MSR1: variants seen among roughly 807,000 people sequenced by gnomAD.
MSR1 encodes the protein macrophage scavenger receptor types I and II.
Under a neutral mutation model 47.2 loss-of-function variants are expected in MSR1, and 53 were observed. The ratio of observed to expected loss-of-function variants is 1.12; its 90% CI spans 0.90 to 1.41. MSR1 has a LOEUF of 1.41. Ranked by LOEUF, MSR1 falls within the 40% of genes most tolerant of loss-of-function variation. The pLI, the probability that MSR1 is intolerant of heterozygous loss-of-function variation, is 0.00. For missense variants in MSR1, 786 were observed against 546.9 expected (o/e 1.44, Z -4.36); for synonymous variants, 239 against 185.6 (o/e 1.29, Z -2.34).
rs967203676 is a variant in MSR1, at chr8:16,140,824, A to C, written c.1033+2734T>G. 63 of 1,543,264 alleles carry C rather than the reference A, an allele frequency of 4.1e-5. No homozygotes were observed. The Middle Eastern group carries it at 1.1e-3, about 26-fold the overall frequency. ...TATGAGCATGGGAGCAGAGGCCCAAACAGCACCAGGGACCAGGAGAGAAGG... is the reference window on the plus strand; with the variant it reads ...TATGAGCATGGGAGCAGAGGCCCAACCAGCACCAGGGACCAGGAGAGAAGG... On this transcript the variant is annotated intron_variant, in intron 8 of 9. Transcript: ENST00000262101.
chr8:16,184,972 CCT>C (rs35014500), intron 1 of MSR1, among the ~76,000 whole-genome samples: 20,543 of 151,876 alleles, frequency 0.14, 1,786 homozygotes, highest in African/African-American at 0.23. Flanking sequence ...ATAAAATACC[CCT>C]GACAGGTGTA....
At chr8:16,179,961 G>A (rs1563169709) in intron 1 of MSR1, among the ~76,000 whole-genome samples, 1 of 150,586 alleles carries the variant, frequency 6.6e-6, no homozygotes, top group African/African-American at 2.4e-5. Context: ...CTGTTTCCCA[G>A]GCTGGAGTGC....
rs1431935621 is a variant in MSR1 at position 16,156,154 on chromosome 8, CAGAA to C, written c.818-1014_818-1011del. Among the ~76,000 whole-genome samples the C allele has an allele frequency of 2.6e-5, 4 of 151,662 alleles. No individual in the cohort carries two copies. In the South Asian group the frequency reaches 6.2e-4, roughly 24 times the overall value. ...CCTTTTCAACACCAGAAGAAAGAAA[CAGAA>C]AGAAACATTATTCCATAGATTCACC... On this transcript the variant is annotated intron_variant, in intron 5 of 9. Coordinates refer to ENST00000262101, the MANE Select transcript of MSR1 (RefSeq NM_138715.3).
chr8:16,186,113 A>C (rs1398026537), intron 1 of MSR1: 12 of 1,468,676 alleles, frequency 8.2e-6, no homozygotes, highest in Non-Finnish European at 1.1e-5. Context: ...TAAATGTATA[A>C]AAATGAAAGT....
At chr8:16,122,675 T>C (rs1800030796) in intron 8 of MSR1, among the ~76,000 whole-genome samples, 2 of 152,014 alleles carry the variant, frequency 1.3e-5, no homozygotes, top group Non-Finnish European at 2.9e-5. Context: ...ACCTAGATGA[T>C]TGCAGTATAT....
chr8:16,120,292 G>C (rs962302707), intron 9 of MSR1, 126 bp downstream of exon 9: 12 of 957,794 alleles, frequency 1.3e-5, no homozygotes, highest in Non-Finnish European at 2.0e-5. Flanking sequence ...GAGGAGAATC[G>C]CTTGAATCCG....
At chr8:16,136,250 G>C (rs1035194874) in intron 8 of MSR1, among the ~76,000 whole-genome samples, 1 of 152,148 alleles carries the variant, frequency 6.6e-6, no homozygotes, top group African/African-American at 2.4e-5. Flanking sequence ...GTTGTCTTAA[G>C]AAATTGCCAC....
intron 8 of MSR1, chr8:16,140,215 GT>G (rs1800517435): frequency 1.0e-6 from 1 of 984,522 alleles, no homozygotes; most frequent in African/African-American, 1.8e-5. Context: ...ATTAAATTGT[GT>G]TCTAGACTCT....
intron 8 of MSR1, chr8:16,141,219 G>T: frequency 3.0e-6 from 2 of 670,726 alleles, no homozygotes; most frequent in Non-Finnish European, 5.1e-6. Context: ...CAAGCTTTTA[G>T]CAGCCATTTA....
rs551401827 is a variant in MSR1, at chr8:16,186,642, T to C, written c.-5+5956A>G. 3.9e-3 allele frequency among the ~76,000 whole-genome samples: 593 copies of C among 152,010 alleles called. 17 individuals are homozygous for C. The highest frequency in any genetic ancestry group is 1.0e-3 in the Non-Finnish European group (69 of 67,966). ...TCCCTTTCACCGTGACATTTCTTTT[T>C]TTTTTTTTTGAGACAAGGTCTTGCT... On this transcript the variant is annotated intron_variant, in intron 1 of 9. Transcript: ENST00000262101.
At chr8:16,186,006 C>T (rs913204959) in intron 1 of MSR1, among the ~76,000 whole-genome samples, 2 of 152,052 alleles carry the variant, frequency 1.3e-5, no homozygotes, top group Non-Finnish European at 2.9e-5. Flanking sequence ...CAAAGAAGTT[C>T]GTGGCCTGCA....
chr8:16,128,373 A>T (rs979545204), intron 8 of MSR1, among the ~76,000 whole-genome samples: 1 of 152,058 alleles, frequency 6.6e-6, no homozygotes, highest in African/African-American at 2.4e-5. Context: ...ACTTGATAGG[A>T]CAGGTGCCCT....
In MSR1 at chr8:16,179,948, A is replaced by G. The variant is rs535242781; in HGVS notation, c.-4-1956T>C. Among the ~76,000 whole-genome samples the G allele has an allele frequency of 2.0e-5, 3 of 150,046 alleles. No individual in the cohort carries two copies. The South Asian group carries it at 6.3e-4, about 32-fold the overall frequency. Reference sequence around the variant, plus strand: ...CTTATTTTGAGACGGAGTCTCACTGACTCTGTTTCCCAGGCTGGAGTGCAG... The same window carrying G: ...CTTATTTTGAGACGGAGTCTCACTGGCTCTGTTTCCCAGGCTGGAGTGCAG... On this transcript the variant is annotated intron_variant, in intron 1 of 9. Coordinates refer to ENST00000262101, the MANE Select transcript of MSR1 (RefSeq NM_138715.3).
At chr8:16,168,340 AG>A (rs2117181267) in intron 4 of MSR1, 117 bp downstream of exon 4, 1 of 945,864 alleles carries the variant, frequency 1.1e-6, no homozygotes, top group Non-Finnish European at 1.7e-6. Flanking sequence ...CATAGAAATC[AG>A]GGTAAACAGG....
intron 8 of MSR1, among the ~76,000 whole-genome samples, chr8:16,121,485 T>C (rs1800004725): frequency 6.6e-6 from 1 of 151,980 alleles, no homozygotes; most frequent in Non-Finnish European, 1.5e-5. Flanking sequence ...AATAAAATAG[T>C]GCAACAAATA....
In MSR1 at chr8:16,168,689, G is replaced by A; in HGVS notation, c.399C>T (p.Ala133=). The change falls in exon 4 of 10, where the codon GCC becomes GCT. Residue 133 remains alanine, a synonymous_variant. Transcript: ENST00000262101. ...GGAAATGCTCTGTGTCCATGAGGTT[G>A]GCTTCCATGTCTAAAATATGCTGGA... ...KRIQHILDME[A]NLMDTEHFQN... is the part of the protein sequence containing the mutation. The A allele has an allele frequency of 1.2e-6, 2 of 1,614,128 alleles. No individual in the cohort carries two copies. Among genetic ancestry groups the A allele is most frequent in the Non-Finnish European group, 1.7e-6 (2 of 1,180,008 alleles).
chr8:16,142,502 A>T (rs1402787862), intron 8 of MSR1, among the ~76,000 whole-genome samples: 2 of 152,170 alleles, frequency 1.3e-5, no homozygotes, highest in African/African-American at 4.8e-5. Context: ...AAGACACACA[A>T]TACTCTGTTG....
intron 7 of MSR1, among the ~76,000 whole-genome samples, chr8:16,149,153 A>T (rs1800777897): frequency 6.6e-6 from 1 of 152,142 alleles, no homozygotes; most frequent in Admixed American, 6.6e-5. Flanking sequence ...TACAACAGAA[A>T]GAGTGGCCAC....
intron 3 of MSR1, among the ~76,000 whole-genome samples, chr8:16,174,483 G>C (rs1282433877): frequency 6.6e-6 from 1 of 152,138 alleles, no homozygotes; most frequent in African/African-American, 2.4e-5. Context: ...ATCTACCCTT[G>C]TAGAAACAGT....
Sources: allele counts gnomAD v4.1 joint callset (sites outside exome capture counted in the v4.1 genomes callset), GRCh38; gene constraint gnomAD v4.1.1; transcripts MANE v1.5; gene names NCBI Gene and HGNC (gene_info 2026-07-23, HGNC 2026-07-21).